Variants in DPYD observed in about 807,000 individuals in gnomAD.
The protein encoded by DPYD is dihydropyrimidine dehydrogenase, also known as dihydropyrimidine dehydrogenase [NADP(+)].
In DPYD, 109 loss-of-function variants were observed where a neutral mutation model predicts 116.2. That is an observed-to-expected ratio of 0.94 (90% CI 0.80 to 1.10). DPYD has a LOEUF of 1.10. Ranked by LOEUF, DPYD falls within the 50% of genes least tolerant of loss-of-function variation. The pLI is 0.00. For synonymous variants in DPYD, 440 were observed against 432.0 expected (o/e 1.02, Z -0.23); for missense variants, 1,302 against 1,254.5 (o/e 1.04, Z -0.57).
At chr1:97,626,693 T>C (rs1307826534) in intron 8 of DPYD, among the ~76,000 whole-genome samples, 1 of 152,046 alleles carries the variant, frequency 6.6e-6, no homozygotes, top group Non-Finnish European at 1.5e-5. Flanking sequence ...TAGTATGTCT[T>C]CCTTCCGCAT....
chr1:97,331,491 C>T (rs1044675555), intron 16 of DPYD, among the ~76,000 whole-genome samples: 1 of 152,016 alleles, frequency 6.6e-6, no homozygotes, highest in South Asian at 2.1e-4. Flanking sequence ...AACAAACAAC[C>T]CCCCTGCCAA....
chr1:97,493,538 G>A (rs1679084317), intron 13 of DPYD, among the ~76,000 whole-genome samples: 1 of 152,090 alleles, frequency 6.6e-6, no homozygotes, highest in South Asian at 2.1e-4. Flanking sequence ...AGTAAACTTG[G>A]TTAATGTCAG....
At chr1:97,593,075 G>C in intron 10 of DPYD, 143 bp downstream of exon 10, 2 of 952,604 alleles carry the variant, frequency 2.1e-6, no homozygotes, top group Non-Finnish European at 3.1e-6. Flanking sequence ...GTCTGAATTA[G>C]AAAAGAAACA....
chr1:97,297,292 C>A (rs1666593414), intron 18 of DPYD, among the ~76,000 whole-genome samples: 1 of 152,116 alleles, frequency 6.6e-6, no homozygotes, highest in African/African-American at 2.4e-5. Context: ...CCTGTATAAC[C>A]CTGGCAGTCT....
At chr1:97,294,983 T>A (rs947325203) in intron 18 of DPYD, among the ~76,000 whole-genome samples, 2 of 152,188 alleles carry the variant, frequency 1.3e-5, no homozygotes, top group Non-Finnish European at 2.9e-5. Flanking sequence ...TTGTAGACTA[T>A]TAGAATTTAA....
chr1:97,251,391 T>TAAAAAAAAAAAAAAAAAAAAAAA, intron 18 of DPYD, among the ~76,000 whole-genome samples: 1 of 95,358 alleles, frequency 1.0e-5, no homozygotes, highest in Non-Finnish European at 2.0e-5. Flanking sequence ...AAACTCTGTC[T>TAAAAAAAAAAAAAAAAAAAAAAA]AAAAAAAAAA....
chr1:97,374,160 A>G lies in DPYD; in HGVS notation c.1975-516T>C, dbSNP rs80186164. Among the ~76,000 whole-genome samples, 1,149 of 152,324 alleles carry G rather than the reference A, an allele frequency of 7.5e-3. 16 individuals carry two copies. Among genetic ancestry groups the G allele is most frequent in the Non-Finnish European group, 6.7e-3 (458 of 68,022 alleles). ...ATGTAGTAGGCTAGCTAGAATGAAT[A>G]AGCAAAATGTAAAATGTTTTTAACA... On this transcript the variant is annotated intron_variant, in intron 15 of 22. Transcript: ENST00000370192.
chr1:97,580,444 T>C (rs1417862648), intron 10 of DPYD, among the ~76,000 whole-genome samples: 1 of 152,252 alleles, frequency 6.6e-6, no homozygotes, highest in Non-Finnish European at 1.5e-5. Context: ...GAGCACGCTC[T>C]ATGCATAAAT....
intron 13 of DPYD, among the ~76,000 whole-genome samples, chr1:97,450,536 T>C (rs963579495): frequency 6.6e-6 from 1 of 152,100 alleles, no homozygotes; most frequent in Non-Finnish European, 1.5e-5. Context: ...AATTAAATAA[T>C]AAAAATATGA....
intron 3 of DPYD, among the ~76,000 whole-genome samples, chr1:97,807,869 C>T (rs1668149283): frequency 6.6e-6 from 1 of 151,866 alleles, no homozygotes; most frequent in African/African-American, 2.4e-5. Flanking sequence ...TGTGTATGTC[C>T]AGTGGTTCCA....
chr1:97,156,290 C>T (rs1226327333), intron 20 of DPYD, among the ~76,000 whole-genome samples: 1 of 152,070 alleles, frequency 6.6e-6, no homozygotes. Context: ...AAAATACAAA[C>T]TGCATTCTTT....
At chr1:97,771,664 TTAAAAC>T (rs1233833869) in intron 3 of DPYD, among the ~76,000 whole-genome samples, 1 of 152,216 alleles carries the variant, frequency 6.6e-6, no homozygotes, top group African/African-American at 2.4e-5. Context: ...TTAATCTTCT[TTAAAAC>T]TAATTATATA....
intron 18 of DPYD, among the ~76,000 whole-genome samples, chr1:97,240,973 T>C (rs1247768605): frequency 6.6e-6 from 1 of 152,070 alleles, no homozygotes; most frequent in Non-Finnish European, 1.5e-5. Flanking sequence ...TCTAGGGTTA[T>C]ATGTAGAGAT....
In DPYD at chr1:97,883,061, T is replaced by C. The variant is rs1446294528; in HGVS notation, c.150+203A>G. Among the ~76,000 whole-genome samples the C allele has an allele frequency of 2.6e-5, 4 of 152,092 alleles. No homozygotes were observed. The East Asian group carries it at 7.8e-4, about 30-fold the overall frequency. The stretch of plus-strand genomic sequence containing the variant: ...TCAGATTTGGGTTACTCAACCTGTA[T>C]ATAATTTGTATTTCAGGAGATTTTT... On this transcript the variant is annotated intron_variant, in intron 2 of 22. Transcript: ENST00000370192.
At chr1:97,707,379 G>C (rs920758854) in intron 5 of DPYD, among the ~76,000 whole-genome samples, 10 of 151,726 alleles carry the variant, frequency 6.6e-5, no homozygotes, top group South Asian at 2.1e-4. Flanking sequence ...TGCCGTGCTG[G>C]TGCGCTGCAC....
chr1:97,825,821 C>G (rs752122896), intron 3 of DPYD, among the ~76,000 whole-genome samples: 1 of 151,922 alleles, frequency 6.6e-6, no homozygotes, highest in Non-Finnish European at 1.5e-5. Context: ...CCAAGCTATG[C>G]CAGGCCAATG....
intron 8 of DPYD, among the ~76,000 whole-genome samples, chr1:97,664,207 CTG>C (rs1356656589): frequency 6.6e-6 from 1 of 151,882 alleles, no homozygotes; most frequent in African/African-American, 2.4e-5. Flanking sequence ...AAGCACATGA[CTG>C]TTGATATTTT....
At chr1:97,676,747 C>A (rs995568201) in intron 8 of DPYD, among the ~76,000 whole-genome samples, 13 of 152,116 alleles carry the variant, frequency 8.5e-5, no homozygotes, top group African/African-American at 2.4e-4. Context: ...ATTCCCAAAT[C>A]GACACTCATG....
At chr1:97,652,865 C>G (rs1221175274) in intron 8 of DPYD, among the ~76,000 whole-genome samples, 5 of 152,174 alleles carry the variant, frequency 3.3e-5, no homozygotes, top group Non-Finnish European at 7.3e-5. Context: ...CATGTCCTAT[C>G]TACTGTTATT....
Sources: allele counts gnomAD v4.1 joint callset (sites outside exome capture counted in the v4.1 genomes callset), GRCh38; gene constraint gnomAD v4.1.1; transcripts MANE v1.5; gene names NCBI Gene and HGNC (gene_info 2026-07-23, HGNC 2026-07-21).